The following PLEKHG2 variants were observed in gnomAD, a reference collection of about 807,000 sequenced individuals.
PLEKHG2 encodes pleckstrin homology and RhoGEF domain containing G2.
Under a neutral mutation model 104.4 loss-of-function variants are expected in PLEKHG2, and 71 were observed. The observed-to-expected ratio is 0.68, with a 90% CI of 0.56 to 0.83. The LOEUF is 0.83. Among genes scored for constraint, PLEKHG2 ranks in the 40% least tolerant of loss-of-function variants. The probability of loss-of-function intolerance (pLI) is 0.00; values close to 1 mark genes in which losing one functional copy is unlikely to be tolerated. For missense variants in PLEKHG2, 1,730 were observed against 1,809.4 expected (o/e 0.96, Z 0.80); for synonymous variants, 728 against 737.0 (o/e 0.99, Z 0.20).
chr19:39,424,401 C>T lies in PLEKHG2; in HGVS notation c.3268C>T (p.Pro1090Ser). ...WHGSSLDPQG[P>S]GDTLPPLPCH... ...TGGAAGCAGCCTGGATCCCCAGGGC[C>T]CAGGCGACACCCTACCACCCTTGCC... The change falls in exon 19 of 19, where the codon CCA becomes TCA. Residue 1090 changes from proline to serine, a missense_variant. Pro to Ser is a moderately conservative substitution (Grantham distance 74). Transcript: ENST00000425673. 6.2e-7 allele frequency: 1 copy of T among 1,614,092 alleles called. No homozygotes were observed. Among genetic ancestry groups the T allele is most frequent in the Non-Finnish European group, 8.5e-7 (1 of 1,180,012 alleles).
Position 39,423,655 on chromosome 19 carries a change from T to C in PLEKHG2, c.2599+2T>C. 1 of 1,544,520 alleles carries C rather than the reference T, an allele frequency of 6.5e-7. No homozygotes were observed. On this transcript the variant is annotated splice_donor_variant, in intron 18 of 18. Transcript: ENST00000425673. LOFTEE classifies it high-confidence loss of function. ...TGCCCCAGGAGCAGGCAGAGCCAGG[T>C]GAGGTCCGGGTACGTGGTTGGCAGA...
Position 39,423,094 on chromosome 19 carries a change from C to T in PLEKHG2, c.2040C>T (p.Thr680=), listed in dbSNP as rs368101792. ...CLPAIPSVPN[T]PSLSSTPTLS... is the part of the protein sequence containing the mutation. ...CAGCCATACCTAGTGTCCCCAACAC[C>T]CCCAGTCTGTCTAGCACTCCCACCC... is the stretch of plus-strand genomic sequence containing the variant. Residue 680 remains threonine (T), a synonymous_variant, in exon 18 of 19, where the codon ACC becomes ACT. Coordinates refer to ENST00000425673, the MANE Select transcript of PLEKHG2 (RefSeq NM_022835.3). The T allele has an allele frequency of 2.5e-6, 4 of 1,614,030 alleles. No homozygotes were observed. Among genetic ancestry groups the T allele is most frequent in the African/African-American group, 2.7e-5 (2 of 74,904 alleles).
At position 39,418,934 on chromosome 19, in the gene PLEKHG2, G is replaced by A. The variant is rs572386419; in HGVS notation, c.1194G>A (p.Glu398=). The part of the protein sequence containing the change: ...RHLLQAKNQE[E]KRLWIHCLQR... ...ACTCCTAGGCCAAGAACCAAGAAGAGAAGAGGCTGTGGATTCACTGTCTCC... is the reference window on the plus strand; with the variant it reads ...ACTCCTAGGCCAAGAACCAAGAAGAAAAGAGGCTGTGGATTCACTGTCTCC... The change falls in exon 11 of 19, where the codon GAG becomes GAA. Residue 398 remains glutamate, a synonymous_variant. Transcript: ENST00000425673. 3.7e-6 allele frequency: 6 copies of A among 1,612,810 alleles called. No homozygotes were observed. The African/African-American group carries it at 5.3e-5, about 14-fold the overall frequency.
chr19:39,414,243 T>A, intron 2 of PLEKHG2, 48 bp downstream of exon 2: 1 of 1,520,604 alleles, frequency 6.6e-7, no homozygotes, highest in Non-Finnish European at 8.9e-7. Flanking sequence ...TTTTATTCCT[T>A]GGCAATGCTG....
rs759760638 is a variant in PLEKHG2 at position 39,424,535 on chromosome 19, G to C, written c.3402G>C (p.Glu1134Asp). ...PANAPLSLSQELPDTQVPATT... is the reference protein window; with the variant it reads ...PANAPLSLSQDLPDTQVPATT... ...ACGCCCCACTGTCTTTGTCCCAGGA[G>C]CTCCCAGACACTCAGGTTCCAGCTA... Residue 1134 changes from glutamate (E) to aspartate (D), a missense_variant, in exon 19 of 19, where the codon GAG (glutamate) becomes GAC (aspartate). Glu to Asp is a conservative substitution (Grantham distance 45). Coordinates refer to ENST00000425673, the MANE Select transcript of PLEKHG2 (RefSeq NM_022835.3). 1.2e-5 allele frequency: 20 copies of C among 1,613,920 alleles called. No individual in the cohort carries two copies. The South Asian group carries it at 1.9e-4, about 15-fold the overall frequency.
rs1376725935 is a variant in PLEKHG2 at position 39,412,723 on chromosome 19, AG to A, written c.-708del. 6.6e-6 allele frequency: 1 copy of A among 152,006 alleles called. No homozygotes were observed. Among genetic ancestry groups the A allele is most frequent in the African/African-American group, 2.4e-5 (1 of 41,364 alleles). 9.4% of individuals were successfully genotyped at this position (152,006 alleles called of 1,614,324 possible). A position where few individuals can be genotyped will look rare whatever the true frequency, so the allele number is the denominator to read the frequency against. On this transcript the variant is annotated 5_prime_UTR_variant, in exon 1 of 19. It removes the in-frame stop codon of an upstream open reading frame in the 5' UTR. Transcript: ENST00000425673. ...CCCGTGACACCCAGCCGGGAGCCCG[AG>A]GGGTCCAGAGGCTCGGACCCGGGCG... is the stretch of plus-strand genomic sequence containing the variant.
In PLEKHG2 at chr19:39,420,667, G is replaced by A; in HGVS notation, c.1297+8G>A. 3.1e-6 allele frequency: 5 copies of A among 1,614,110 alleles called. No individual in the cohort carries two copies. The highest frequency in any genetic ancestry group is 4.2e-6 in the Non-Finnish European group (5 of 1,180,016). On this transcript the variant is annotated splice_region_variant and intron_variant, in intron 12 of 18. Coordinates refer to ENST00000425673, the MANE Select transcript of PLEKHG2 (RefSeq NM_022835.3). Reference sequence around the variant, plus strand: ...TTGAAAACAGCCTGCATTGTGAGTTGGGGCCTTGGGCTGGGAGGGTGTGGA... The same window carrying A: ...TTGAAAACAGCCTGCATTGTGAGTTAGGGCCTTGGGCTGGGAGGGTGTGGA...
At position 39,421,314 on chromosome 19, in the gene PLEKHG2, G is replaced by A. The variant is rs111972446; in HGVS notation, c.1503+15G>A. The stretch of plus-strand genomic sequence containing the variant: ...CTGGATTCAAGGTAAGAGATATCTC[G>A]AGATAGGGTCTGGGCACCTTGACTT... On this transcript the variant is annotated intron_variant, in intron 16 of 18. Coordinates refer to ENST00000425673, the MANE Select transcript of PLEKHG2 (RefSeq NM_022835.3). 6.9e-5 allele frequency: 111 copies of A among 1,612,974 alleles called. 1 individual carries two copies. The highest frequency in any genetic ancestry group is 5.9e-4 in the African/African-American group (44 of 74,956).
rs1258146196 is a variant in PLEKHG2, at chr19:39,420,754, C to T, written c.1301C>T (p.Ala434Val). 10 of 1,614,016 alleles carry T rather than the reference C, an allele frequency of 6.2e-6. No individual in the cohort carries two copies. Among genetic ancestry groups the T allele is most frequent in the Middle Eastern group, 1.6e-4 (1 of 6,082 alleles). ...AGCCCCAAAACTCTCCCCACAGGTG[C>T]CCCCAAAAGTAAGCCTGTCCTAGAG... ...QVLLENSLHC[A>V]PKSKPVLEPL... is the part of the protein sequence containing the mutation. The change falls in exon 13 of 19, where the codon GCC (alanine) becomes GTC (valine). Residue 434 changes from alanine to valine, a missense_variant. Coordinates refer to ENST00000425673, the MANE Select transcript of PLEKHG2 (RefSeq NM_022835.3).
rs1423189285 is a variant in PLEKHG2 at position 39,416,261 on chromosome 19, A to C, written c.480-87A>C. 5 of 1,330,834 alleles carry C rather than the reference A, an allele frequency of 3.8e-6. No homozygotes were observed. The highest frequency in any genetic ancestry group is 5.4e-6 in the Non-Finnish European group (5 of 932,542). The allele number at this position is 1,330,834 out of a possible 1,614,324, so 82.4% of individuals were successfully genotyped here. ...CAGTCAGCAAGCCCCCAGCCCCAGC[A>C]GACCATTGGGGCCTCAGCCTCCTGG... On this transcript the variant is annotated intron_variant, in intron 4 of 18. Transcript: ENST00000425673. The surrounding 1 kb of genome is among the most constrained non-coding windows in gnomAD (Gnocchi z 4.5).
rs2078799533 is a variant in PLEKHG2, at chr19:39,427,827, AG to A, written c.*2536del. 6.5e-6 allele frequency: 1 copy of A among 153,002 alleles called. No homozygotes were observed. The highest frequency in any genetic ancestry group is 2.4e-5 in the African/African-American group (1 of 41,490). 9.5% of individuals were successfully genotyped at this position (153,002 alleles called of 1,614,324 possible). A position where few individuals can be genotyped will look rare whatever the true frequency, so the allele number is the denominator to read the frequency against. On this transcript the variant is annotated 3_prime_UTR_variant, in exon 19 of 19. Coordinates refer to ENST00000425673, the MANE Select transcript of PLEKHG2 (RefSeq NM_022835.3). ...AACTGAGGCAGGCACAGAGAGGCTA[AG>A]GGATTTGCCTAGTCGCACAGCTAGG...
At position 39,422,212 on chromosome 19, in the gene PLEKHG2, C is replaced by A. The variant is rs377714958; in HGVS notation, c.1601C>A (p.Thr534Lys). The stretch of plus-strand genomic sequence containing the variant: ...GACCTGGAGGATGCTGGACCCCCAA[C>A]ACTGGACCCCTCTGGGACCTCAATC... ...PEDLEDAGPP[T>K]LDPSGTSITE... is the part of the protein sequence containing the mutation. The change falls in exon 17 of 19, where the codon ACA becomes AAA. Residue 534 changes from threonine to lysine, a missense_variant. Physicochemically the swap from Thr to Lys is moderately conservative, Grantham distance 78. Transcript: ENST00000425673. The A allele has an allele frequency of 3.8e-5, 61 of 1,613,942 alleles. No individual in the cohort carries two copies. In the African/African-American group the frequency reaches 7.7e-4, roughly 20 times the overall value.
At chr19:39,421,149 T>C (rs2078693857) in intron 15 of PLEKHG2, 36 bp downstream of exon 15, 1 of 1,613,482 alleles carries the variant, frequency 6.2e-7, no homozygotes, top group Non-Finnish European at 8.5e-7. Flanking sequence ...GGTCCATCCC[T>C]GTCTGTCGCC....
In PLEKHG2 at chr19:39,415,628, C is replaced by T. The variant is rs1364301459; in HGVS notation, c.479+189C>T. 1.3e-5 allele frequency among the ~76,000 whole-genome samples: 2 copies of T among 150,808 alleles called. No individual in the cohort carries two copies. Among genetic ancestry groups the T allele is most frequent in the African/African-American group, 4.9e-5 (2 of 40,892 alleles). ...GAGGGGCATAGGGGATGGGAGGACC[C>T]CGAGTGAGGGAGGGGCATAGCGGAT... On this transcript the variant is annotated intron_variant, in intron 4 of 18. Transcript: ENST00000425673. The surrounding 1 kb of genome is among the most constrained non-coding windows in gnomAD (Gnocchi z 4.6).
At position 39,415,568 on chromosome 19, in the gene PLEKHG2, G is replaced by T; in HGVS notation, c.479+129G>T. On this transcript the variant is annotated intron_variant, in intron 4 of 18. Transcript: ENST00000425673. The surrounding 1 kb of genome is among the most constrained non-coding windows in gnomAD (Gnocchi z 4.6). ...GGGTTGTGACATTGGGCAAGGATCAGGGATCACGACTGGGAGGGAGGACCC... is the reference window on the plus strand; with the variant it reads ...GGGTTGTGACATTGGGCAAGGATCATGGATCACGACTGGGAGGGAGGACCC... 9.2e-7 allele frequency: 1 copy of T among 1,087,226 alleles called. No individual in the cohort carries two copies. Among genetic ancestry groups the T allele is most frequent in the Non-Finnish European group, 1.3e-6 (1 of 753,982 alleles). The allele number at this position is 1,087,226 out of a possible 1,614,324, so 67.3% of individuals were successfully genotyped here.
At position 39,416,757 on chromosome 19, in the gene PLEKHG2, C is replaced by A; in HGVS notation, c.594-93C>A. The A allele has an allele frequency of 6.7e-7, 1 of 1,495,144 alleles. No homozygotes were observed. The highest frequency in any genetic ancestry group is 1.3e-5 in the South Asian group (1 of 79,784). 92.6% of individuals were successfully genotyped at this position (1,495,144 alleles called of 1,614,324 possible). A position where few individuals can be genotyped will look rare whatever the true frequency, so the allele number is the denominator to read the frequency against. ...CTCACTGCCCCGCCCCCTGTCAGAC[C>A]CTGACCCTTCCCAAACCCTGGCCCC... On this transcript the variant is annotated intron_variant, in intron 6 of 18. Coordinates refer to ENST00000425673, the MANE Select transcript of PLEKHG2 (RefSeq NM_022835.3). The surrounding 1 kb of genome is among the most constrained non-coding windows in gnomAD (Gnocchi z 4.5).
At position 39,413,949 on chromosome 19, in the gene PLEKHG2, C is replaced by T. The variant is rs3746084; in HGVS notation, c.-22-116C>T. ...TTTGTGCCTCCCCCATTAGTTACTC[C>T]CAGGGGCCCCTCCCTGGATTTACAC... On this transcript the variant is annotated intron_variant, in intron 1 of 18. Transcript: ENST00000425673. This position sits in a 1 kb window ranked among gnomAD's most constrained non-coding sequence, Gnocchi z 4.5. The T allele has an allele frequency of 0.068, 43,858 of 642,042 alleles. 2,053 individuals carry two copies. Among genetic ancestry groups the T allele is most frequent in the East Asian group, 0.19 (6,753 of 34,962 alleles). 39.8% of individuals were successfully genotyped at this position (642,042 alleles called of 1,614,324 possible).
Position 39,425,600 on chromosome 19 carries a change from T to G in PLEKHG2, c.*306T>G. The G allele has an allele frequency of 2.4e-6, 1 of 420,238 alleles. No individual in the cohort carries two copies. The highest frequency in any genetic ancestry group is 4.1e-6 in the Non-Finnish European group (1 of 243,296). The allele number at this position is 420,238 out of a possible 1,614,324, so 26.0% of individuals were successfully genotyped here. On this transcript the variant is annotated 3_prime_UTR_variant, in exon 19 of 19. Transcript: ENST00000425673. ...GTCTGACACAGAACAAATCAGCGGT[T>G]CTGAAAGCTTGGGGAATCTCAGACT... is the stretch of plus-strand genomic sequence containing the variant.
chr19:39,422,260 T>G lies in PLEKHG2; in HGVS notation c.1649T>G (p.Leu550Arg). ...ATCACTGAAGAAATCCTGGAACTGC[T>G]GAATCAGCGAGGCCTTCGAGATCCA... ...TSITEEILEL[L>R]NQRGLRDPGP... The change falls in exon 17 of 19, where the codon CTG becomes CGG. Residue 550 changes from leucine to arginine, a missense_variant. Leu to Arg is a moderately radical substitution (Grantham distance 102, BLOSUM62 -2). Transcript: ENST00000425673. 1 of 1,613,216 alleles carries G rather than the reference T, an allele frequency of 6.2e-7. No homozygotes were observed. The highest frequency in any genetic ancestry group is 8.5e-7 in the Non-Finnish European group (1 of 1,179,614).
Sources: allele counts gnomAD v4.1 joint callset (sites outside exome capture counted in the v4.1 genomes callset), GRCh38; gene constraint gnomAD v4.1.1; non-coding constraint Gnocchi (gnomAD v3.1); transcripts MANE v1.5; gene names NCBI Gene and HGNC (gene_info 2026-07-23, HGNC 2026-07-21).